The following CNNM2 variants were observed in gnomAD, a reference collection of about 807,000 sequenced individuals.
CNNM2 encodes the protein cyclin and CBS domain divalent metal cation transport mediator 2, also known as metal transporter CNNM2.
A neutral mutation model predicts 66.9 loss-of-function variants in CNNM2; 12 were observed. That is an observed-to-expected ratio of 0.18 (90% CI 0.11 to 0.29). The LOEUF (loss-of-function observed/expected upper bound fraction) is 0.29. CNNM2 is among the 10% of genes least tolerant of loss of function. CNNM2 has a pLI of 1.00. For missense variants in CNNM2, 705 were observed against 1,167.7 expected, an observed-to-expected ratio of 0.60 and a Z score of 5.77; for synonymous variants, 557 against 501.8, an observed-to-expected ratio of 1.11 and a Z score of -1.47.
chr10:103,039,280 G>A (rs2064997194), intron 1 of CNNM2, among the ~76,000 whole-genome samples: 2 of 152,110 alleles, frequency 1.3e-5, no homozygotes, highest in South Asian at 4.1e-4. Context: ...GGGACTACAG[G>A]AGTGCACCAC....
At chr10:103,042,409 C>T (rs111386624) in intron 1 of CNNM2, among the ~76,000 whole-genome samples, 4 of 152,190 alleles carry the variant, frequency 2.6e-5, no homozygotes, top group African/African-American at 9.7e-5. Context: ...AATGTCATCC[C>T]GCCCCTACTG....
chr10:102,994,298 T>C (rs2063949334), intron 1 of CNNM2, among the ~76,000 whole-genome samples: 1 of 152,198 alleles, frequency 6.6e-6, no homozygotes, highest in African/African-American at 2.4e-5. Context: ...ATATAATTTA[T>C]TCTAGTTAGT....
intron 1 of CNNM2, among the ~76,000 whole-genome samples, chr10:102,998,083 C>A (rs1298103132): frequency 6.6e-6 from 1 of 151,886 alleles, no homozygotes; most frequent in Non-Finnish European, 1.5e-5. Flanking sequence ...AACAAACTCT[C>A]TTCTGATGCC....
intron 4 of CNNM2, among the ~76,000 whole-genome samples, chr10:103,067,497 A>T (rs1029624884): frequency 1.4e-4 from 22 of 152,158 alleles, no homozygotes; most frequent in African/African-American, 5.3e-4. Context: ...TAAAACACTG[A>T]TGTGTTAGCA....
At chr10:103,030,426 C>A (rs2064800954) in intron 1 of CNNM2, among the ~76,000 whole-genome samples, 1 of 152,098 alleles carries the variant, frequency 6.6e-6, no homozygotes, top group Non-Finnish European at 1.5e-5. Context: ...ATGAAATAAT[C>A]AATATTGGCT....
At chr10:102,987,184 G>T (rs1203551911) in intron 1 of CNNM2, among the ~76,000 whole-genome samples, 2 of 152,098 alleles carry the variant, frequency 1.3e-5, no homozygotes, top group African/African-American at 4.8e-5. Context: ...GGAAGAAGAA[G>T]AAATTAGAGA....
chr10:102,927,997 G>A (rs1845934706), intron 1 of CNNM2, among the ~76,000 whole-genome samples: 1 of 152,190 alleles, frequency 6.6e-6, no homozygotes, highest in African/African-American at 2.4e-5. Context: ...GGGGAGGATA[G>A]CATCTGTTAA....
chr10:102,924,515 T>G (rs1305115266), intron 1 of CNNM2, among the ~76,000 whole-genome samples: 1 of 152,234 alleles, frequency 6.6e-6, no homozygotes, highest in African/African-American at 2.4e-5. Flanking sequence ...GTAATTTCTT[T>G]CTATAACTCA....
chr10:103,057,466 A>T (rs953523234), intron 4 of CNNM2, among the ~76,000 whole-genome samples: 8 of 137,960 alleles, frequency 5.8e-5, no homozygotes, highest in Middle Eastern at 3.7e-3. Flanking sequence ...ACCCTGTTTT[A>T]AAAAAAAAAA....
At position 102,980,663 on chromosome 10, in the gene CNNM2, T is replaced by C. The variant is rs139074593; in HGVS notation, c.1621+60562T>C. 3.1e-4 allele frequency among the ~76,000 whole-genome samples: 47 copies of C among 152,318 alleles called. No individual in the cohort carries two copies. In the East Asian group the frequency reaches 9.1e-3, roughly 29 times the overall value. ...TCCCCACACCACACATTCATACTTTTCTTCCTCTATCCTGTTGTTATAATT... is the reference window on the plus strand; with the variant it reads ...TCCCCACACCACACATTCATACTTTCCTTCCTCTATCCTGTTGTTATAATT... On this transcript the variant is annotated intron_variant, in intron 1 of 7. Transcript: ENST00000369878.
chr10:102,961,398 A>G (rs1278401946), intron 1 of CNNM2, among the ~76,000 whole-genome samples: 1 of 152,234 alleles, frequency 6.6e-6, no homozygotes, highest in Non-Finnish European at 1.5e-5. Flanking sequence ...GAATATGAAA[A>G]GAAAGAGGAT....
At chr10:103,075,981 G>A in intron 6 of CNNM2, 105 bp from the exon 7 acceptor site, 1 of 1,057,630 alleles carries the variant, frequency 9.5e-7, no homozygotes, top group Non-Finnish European at 1.4e-6. Flanking sequence ...GGAATCAGTT[G>A]GCTGGGCTTG....
intron 1 of CNNM2, among the ~76,000 whole-genome samples, chr10:102,988,643 T>A (rs2063842018): frequency 1.3e-5 from 2 of 152,192 alleles, no homozygotes; most frequent in African/African-American, 4.8e-5. Context: ...CAGCTCATCA[T>A]TTGCTAACTT....
intron 1 of CNNM2, among the ~76,000 whole-genome samples, chr10:103,030,313 A>G (rs887750134): frequency 2.0e-5 from 3 of 152,212 alleles, no homozygotes; most frequent in Non-Finnish European, 4.4e-5. Context: ...TAAGATTACT[A>G]TGGCATCAGT....
intron 1 of CNNM2, among the ~76,000 whole-genome samples, chr10:102,963,660 C>T (rs1004413613): frequency 1.2e-4 from 18 of 151,568 alleles, no homozygotes; most frequent in Admixed American, 3.9e-4. Context: ...TTTTATTAAA[C>T]ACATTGATTC....
intron 1 of CNNM2, among the ~76,000 whole-genome samples, chr10:103,009,581 C>T (rs1443984986): frequency 1.4e-5 from 2 of 147,606 alleles, no homozygotes; most frequent in Non-Finnish European, 3.0e-5. Flanking sequence ...GTCTCAGGTC[C>T]TTGGAAGGCT....
At chr10:103,025,034 T>A (rs572949309) in intron 1 of CNNM2, among the ~76,000 whole-genome samples, 1 of 152,330 alleles carries the variant, frequency 6.6e-6, no homozygotes, top group Admixed American at 6.5e-5. Flanking sequence ...CTAATGATTT[T>A]AAATTTGATC....
In CNNM2 at chr10:103,089,839, G is replaced by T; in HGVS notation, c.*12659G>T. On this transcript the variant is annotated 3_prime_UTR_variant, in exon 8 of 8. Transcript: ENST00000369878. ...TTGAAATCCACTGATGTGCGGTTCC[G>T]GGTGGCAAGAGGAGACTCCATCTCA... is the stretch of plus-strand genomic sequence containing the variant. The T allele has an allele frequency of 2.5e-6, 4 of 1,614,044 alleles. No individual in the cohort carries two copies. Among genetic ancestry groups the T allele is most frequent in the Non-Finnish European group, 3.4e-6 (4 of 1,179,996 alleles).
intron 1 of CNNM2, among the ~76,000 whole-genome samples, chr10:102,989,666 G>A (rs547932702): frequency 1.3e-5 from 2 of 152,012 alleles, no homozygotes; most frequent in Admixed American, 6.6e-5. Context: ...AGCCAGGCAT[G>A]GTGGCGCATC....
Sources: gnomAD v4.1 joint callset for allele counts (sites outside exome capture counted in the v4.1 genomes callset) on GRCh38, gnomAD v4.1.1 for gene constraint, MANE v1.5 for transcripts, NCBI Gene and HGNC (gene_info 2026-07-23, HGNC 2026-07-21) for gene names.